Variants in LRBA observed in about 807,000 individuals in gnomAD.
The protein encoded by LRBA is lipopolysaccharide-responsive and beige-like anchor protein.
Under a neutral mutation model 330.0 loss-of-function variants are expected in LRBA, and 176 were observed. The observed-to-expected ratio is 0.53, with a 90% CI of 0.47 to 0.60. The LOEUF is 0.60. Ranked by LOEUF, LRBA falls within the 20% of genes least tolerant of loss-of-function variation. The pLI is 0.00. For missense variants in LRBA, 3,259 were observed against 3,444.8 expected (o/e 0.95, Z 1.35); for synonymous variants, 1,230 against 1,193.0 (o/e 1.03, Z -0.64).
intron 2 of LRBA, among the ~76,000 whole-genome samples, chr4:150,993,740 G>C (rs1372090110): frequency 6.6e-6 from 1 of 152,168 alleles, no homozygotes; most frequent in African/African-American, 2.4e-5. Flanking sequence ...CAGATCTCAT[G>C]AGACTTATTC....
intron 37 of LRBA, among the ~76,000 whole-genome samples, chr4:150,657,768 T>C (rs1403961588): frequency 6.6e-6 from 1 of 152,182 alleles, no homozygotes. Context: ...AACACATGTA[T>C]GTTTACTATG....
intron 40 of LRBA, among the ~76,000 whole-genome samples, chr4:150,533,046 A>G (rs1028045625): frequency 6.6e-6 from 1 of 152,210 alleles, no homozygotes; most frequent in Non-Finnish European, 1.5e-5. Flanking sequence ...CCAGATAATC[A>G]AGGCTTATTG....
intron 47 of LRBA, among the ~76,000 whole-genome samples, chr4:150,377,398 A>G (rs1033491323): frequency 2.0e-5 from 3 of 152,216 alleles, no homozygotes; most frequent in African/African-American, 7.2e-5. Flanking sequence ...GTGATTAAGC[A>G]TTTAAGGTAA....
At chr4:150,447,198 C>A (rs1752719761) in intron 44 of LRBA, among the ~76,000 whole-genome samples, 1 of 152,164 alleles carries the variant, frequency 6.6e-6, no homozygotes, top group Non-Finnish European at 1.5e-5. Context: ...TCATGTAACA[C>A]AAATCATATG....
At chr4:150,861,119 A>G (rs1751866809) in intron 22 of LRBA, among the ~76,000 whole-genome samples, 1 of 152,266 alleles carries the variant, frequency 6.6e-6, no homozygotes, top group Non-Finnish European at 1.5e-5. Flanking sequence ...TTAACAAAAG[A>G]CTGAGTCTCG....
At chr4:150,895,709 G>C (rs2127111730) in intron 16 of LRBA, among the ~76,000 whole-genome samples, 1 of 152,306 alleles carries the variant, frequency 6.6e-6, no homozygotes, top group Non-Finnish European at 1.5e-5. Context: ...TTGGTTCCAA[G>C]TGTTTGCTAT....
At chr4:150,374,569 C>T (rs1304559980) in intron 47 of LRBA, among the ~76,000 whole-genome samples, 1 of 152,064 alleles carries the variant, frequency 6.6e-6, no homozygotes, top group African/African-American at 2.4e-5. Context: ...ATACCTAATC[C>T]AAAAATTCAA....
Position 150,590,679 on chromosome 4 carries a change from G to A in LRBA, c.6193+34C>T, listed in dbSNP as rs767275584. 4 of 1,601,398 alleles carry A rather than the reference G, an allele frequency of 2.5e-6. No homozygotes were observed. In the Admixed American group the frequency reaches 6.7e-5, roughly 27 times the overall value. On this transcript the variant is annotated intron_variant, in intron 39 of 56. Transcript: ENST00000651943. ...TAATTATATGCTTATTGTCCCAGAG[G>A]TAGCTGAAATATCTGCACAACCACC...
chr4:150,820,082 C>A (rs11731977), intron 30 of LRBA, among the ~76,000 whole-genome samples: 3 of 152,062 alleles, frequency 2.0e-5, no homozygotes, highest in African/African-American at 7.2e-5. Flanking sequence ...ATTATAAATT[C>A]TAATAGCAGC....
chr4:150,422,218 CCACTGGCACCCTAGCCT>C (rs1293285793), intron 46 of LRBA, among the ~76,000 whole-genome samples: 2 of 152,124 alleles, frequency 1.3e-5, no homozygotes, highest in African/African-American at 4.8e-5. Context: ...CGAGTTCATG[CCACTGGCACCCTAGCCT>C]AGGAAACAGA....
At chr4:150,775,951 A>G (rs1461115009) in intron 34 of LRBA, among the ~76,000 whole-genome samples, 1 of 152,038 alleles carries the variant, frequency 6.6e-6, no homozygotes, top group Non-Finnish European at 1.5e-5. Flanking sequence ...GAAAAAAAAG[A>G]AAGAAAAATA....
intron 40 of LRBA, among the ~76,000 whole-genome samples, chr4:150,549,297 G>A (rs1307763949): frequency 6.6e-6 from 1 of 151,380 alleles, no homozygotes; most frequent in Admixed American, 6.6e-5. Context: ...CTGTCATGTA[G>A]AATAATTGTT....
In LRBA at chr4:150,415,591, C is replaced by A. The variant is rs768281304; in HGVS notation, c.7042-1G>T. On this transcript the variant is annotated splice_acceptor_variant, in intron 46 of 56. Transcript: ENST00000651943. LOFTEE classifies it high-confidence loss of function. Reference sequence around the variant, plus strand: ...GATAATAAAATTCAGGGATCAACTCCTATATAAAAATAAAAGACAATGTGA... The same window carrying A: ...GATAATAAAATTCAGGGATCAACTCATATATAAAAATAAAAGACAATGTGA... The A allele has an allele frequency of 1.3e-6, 2 of 1,534,488 alleles. No individual in the cohort carries two copies. The highest frequency in any genetic ancestry group is 1.8e-6 in the Non-Finnish European group (2 of 1,110,972).
At chr4:150,286,993 CAA>C (rs1748212116) in intron 53 of LRBA, among the ~76,000 whole-genome samples, 2 of 152,150 alleles carry the variant, frequency 1.3e-5, no homozygotes, top group African/African-American at 2.4e-5. Flanking sequence ...GGTAAAGATA[CAA>C]AAAGTCTTTC....
chr4:150,381,361 C>T (rs1742238043), intron 47 of LRBA, among the ~76,000 whole-genome samples: 1 of 152,178 alleles, frequency 6.6e-6, no homozygotes, highest in Non-Finnish European at 1.5e-5. Flanking sequence ...CTCCCATTTC[C>T]CTCACCCTCA....
intron 2 of LRBA, among the ~76,000 whole-genome samples, chr4:150,986,410 A>G (rs1741470036): frequency 6.6e-6 from 1 of 152,190 alleles, no homozygotes; most frequent in Non-Finnish European, 1.5e-5. Flanking sequence ...TTATGAGAAT[A>G]TGTACATAGA....
intron 2 of LRBA, among the ~76,000 whole-genome samples, chr4:150,978,921 A>G (rs1740523354): frequency 6.6e-6 from 1 of 152,202 alleles, no homozygotes; most frequent in Admixed American, 6.5e-5. Flanking sequence ...CAAATCTGAG[A>G]GTTATTGTCC....
intron 56 of LRBA, among the ~76,000 whole-genome samples, chr4:150,274,571 GAGA>G (rs2126726527): frequency 6.6e-6 from 1 of 152,210 alleles, no homozygotes; most frequent in East Asian, 1.9e-4. Context: ...CAAGAAAAGA[GAGA>G]AGAATCAAAT....
At chr4:150,659,851 T>TG (rs1483114193) in intron 37 of LRBA, among the ~76,000 whole-genome samples, 20 of 67,392 alleles carry the variant, frequency 3.0e-4, no homozygotes, top group African/African-American at 8.1e-4. Context: ...GGGAGGGAGG[T>TG]GGGGGGGTCA....
Sources: allele counts gnomAD v4.1 joint callset (sites outside exome capture counted in the v4.1 genomes callset), GRCh38; gene constraint gnomAD v4.1.1; transcripts MANE v1.5; gene names NCBI Gene and HGNC (gene_info 2026-07-23, HGNC 2026-07-21).